ZNF804B: variants seen among roughly 807,000 people sequenced by gnomAD.
ZNF804B encodes zinc finger protein 804B, also known as zinc finger 804B.
A neutral mutation model predicts 101.4 loss-of-function variants in ZNF804B; 80 were observed. The observed-to-expected ratio is 0.79, with a 90% confidence interval of 0.66 to 0.95. ZNF804B has a LOEUF of 0.95. ZNF804B is among the 40% of genes least tolerant of loss of function. The probability of loss-of-function intolerance (pLI) is 0.00; values close to 1 mark genes in which losing one functional copy is unlikely to be tolerated. For missense variants in ZNF804B, 1,673 were observed against 1,561.9 expected, an observed-to-expected ratio of 1.07 and a Z score of -1.20; for synonymous variants, 622 against 558.8, an observed-to-expected ratio of 1.11 and a Z score of -1.59.
At chr7:88,992,143 A>G (rs10486891) in intron 1 of ZNF804B, among the ~76,000 whole-genome samples, 4,516 of 152,270 alleles carry the variant, frequency 0.03, 103 homozygotes, top group Non-Finnish European at 0.044. Context: ...GACGGCTTAA[A>G]TGGTGCTAAA....
intron 1 of ZNF804B, among the ~76,000 whole-genome samples, chr7:88,846,761 A>G (rs531069374): frequency 2.6e-5 from 4 of 152,136 alleles, no homozygotes; most frequent in Non-Finnish European, 4.4e-5. Context: ...ATATATGTCT[A>G]TATGTGAGAC....
intron 1 of ZNF804B, among the ~76,000 whole-genome samples, chr7:89,117,916 T>C (rs2116361821): frequency 6.6e-6 from 1 of 152,298 alleles, no homozygotes. Flanking sequence ...AGTCTTTTTT[T>C]CAACTACTGT....
In ZNF804B at chr7:89,254,860, G is replaced by C. The variant is rs892331184; in HGVS notation, c.249+36565G>C. Among the ~76,000 whole-genome samples the C allele has an allele frequency of 2.6e-4, 39 of 151,962 alleles. 1 individual carries two copies. The highest frequency in any genetic ancestry group is 4.0e-4 in the Non-Finnish European group (27 of 68,004). ...GGGGTTTCACCATGTTGGCCAAGCTGGTTGGGAACTCCTGACCCCAGGCAA... is the reference window on the plus strand; with the variant it reads ...GGGGTTTCACCATGTTGGCCAAGCTCGTTGGGAACTCCTGACCCCAGGCAA... On this transcript the variant is annotated intron_variant, in intron 2 of 3. Coordinates refer to ENST00000333190, the MANE Select transcript of ZNF804B (RefSeq NM_181646.5).
At chr7:89,167,013 A>G in intron 1 of ZNF804B, among the ~76,000 whole-genome samples, 1 of 152,054 alleles carries the variant, frequency 6.6e-6, no homozygotes, top group Admixed American at 6.6e-5. Flanking sequence ...TTTATAATAG[A>G]TTTGTGTATA....
At chr7:89,114,853 C>T (rs1790283676) in intron 1 of ZNF804B, among the ~76,000 whole-genome samples, 1 of 152,132 alleles carries the variant, frequency 6.6e-6, no homozygotes, top group Non-Finnish European at 1.5e-5. Flanking sequence ...AGGGTCTGAG[C>T]ACTGATGGTA....
At chr7:88,764,164 G>A (rs1789944830) in intron 1 of ZNF804B, among the ~76,000 whole-genome samples, 1 of 152,044 alleles carries the variant, frequency 6.6e-6, no homozygotes, top group Non-Finnish European at 1.5e-5. Context: ...TTCGAATGTA[G>A]TGCCGTTAAT....
intron 1 of ZNF804B, among the ~76,000 whole-genome samples, chr7:89,014,905 T>TATTCA (rs1788521752): frequency 6.6e-6 from 1 of 152,218 alleles, no homozygotes; most frequent in South Asian, 2.1e-4. Flanking sequence ...TCTGAGACCT[T>TATTCA]ATTCATAAAA....
intron 1 of ZNF804B, among the ~76,000 whole-genome samples, chr7:89,171,343 C>CTTT (rs56295959): frequency 1.5e-5 from 2 of 132,376 alleles, no homozygotes; most frequent in African/African-American, 5.7e-5. Context: ...TCTTCTTCTT[C>CTTT]TTCTTCTTCT....
intron 1 of ZNF804B, among the ~76,000 whole-genome samples, chr7:89,208,046 A>C (rs1231279552): frequency 6.9e-6 from 1 of 145,796 alleles, no homozygotes; most frequent in Non-Finnish European, 1.5e-5. Flanking sequence ...GCAAAAGTTC[A>C]TTGGTTTATG....
At chr7:89,203,747 G>A (rs1435854962) in intron 1 of ZNF804B, among the ~76,000 whole-genome samples, 2 of 152,080 alleles carry the variant, frequency 1.3e-5, no homozygotes, top group Non-Finnish European at 2.9e-5. Context: ...AGACATAATA[G>A]CAGACGTTCA....
chr7:88,797,655 A>T (rs1404025394), intron 1 of ZNF804B, among the ~76,000 whole-genome samples: 1 of 152,066 alleles, frequency 6.6e-6, no homozygotes, highest in African/African-American at 2.4e-5. Context: ...TCAGTGCACA[A>T]ACTCAAACTA....
chr7:89,016,620 T>G (rs961145370), intron 1 of ZNF804B, among the ~76,000 whole-genome samples: 1 of 150,938 alleles, frequency 6.6e-6, no homozygotes, highest in Non-Finnish European at 1.5e-5. Flanking sequence ...CTTGTTTTTC[T>G]CAGGTTTGTC....
At chr7:89,190,395 AT>A (rs1398641912) in intron 1 of ZNF804B, among the ~76,000 whole-genome samples, 1 of 151,732 alleles carries the variant, frequency 6.6e-6, no homozygotes, top group Non-Finnish European at 1.5e-5. Context: ...ATATGACTGA[AT>A]TATTGTGATT....
chr7:88,985,465 GC>G (rs1251334065), intron 1 of ZNF804B, among the ~76,000 whole-genome samples: 1 of 152,014 alleles, frequency 6.6e-6, no homozygotes, highest in Non-Finnish European at 1.5e-5. Context: ...TGTTTGAGAT[GC>G]AAGGTCAGAG....
intron 1 of ZNF804B, among the ~76,000 whole-genome samples, chr7:89,178,060 A>C (rs1423298479): frequency 6.6e-6 from 1 of 152,006 alleles, no homozygotes; most frequent in Non-Finnish European, 1.5e-5. Context: ...TGTTGTCTTG[A>C]AATTTATTTT....
intron 2 of ZNF804B, among the ~76,000 whole-genome samples, chr7:89,271,331 G>A (rs535237975): frequency 6.6e-6 from 1 of 152,162 alleles, no homozygotes; most frequent in Non-Finnish European, 1.5e-5. Flanking sequence ...TAATCATGTG[G>A]TTTTTGTCTT....
In ZNF804B at chr7:88,877,049, ATTTTTTTT is replaced by A. The variant is rs869097226; in HGVS notation, c.108+116986_108+116993del. Among the ~76,000 whole-genome samples the A allele has an allele frequency of 9.3e-4, 13 of 13,904 alleles. 1 individual carries two copies. The highest frequency in any genetic ancestry group is 5.0e-3 in the South Asian group (1 of 202). 9.1% of individuals were successfully genotyped at this position (13,904 alleles called of 152,430 possible). A position where few individuals can be genotyped will look rare whatever the true frequency, so the allele number is the denominator to read the frequency against. Reference sequence around the variant, plus strand: ...ATAATATATATATATATATATATATATTTTTTTTTTTTTTTTTTTTTTTTTTTTGAGGC... The same window carrying A: ...ATAATATATATATATATATATATATATTTTTTTTTTTTTTTTTTTTGAGGC... On this transcript the variant is annotated intron_variant, in intron 1 of 3. Coordinates refer to ENST00000333190, the MANE Select transcript of ZNF804B (RefSeq NM_181646.5).
intron 1 of ZNF804B, among the ~76,000 whole-genome samples, chr7:89,050,850 CT>C (rs1278607022): frequency 6.6e-6 from 1 of 152,026 alleles, no homozygotes; most frequent in Admixed American, 6.6e-5. Flanking sequence ...GTCATAACAA[CT>C]TTTTATATAC....
intron 1 of ZNF804B, among the ~76,000 whole-genome samples, chr7:88,895,610 T>A (rs1562825435): frequency 6.6e-6 from 1 of 152,098 alleles, no homozygotes; most frequent in African/African-American, 2.4e-5. Context: ...CAGCACTCCT[T>A]AGTGAAATGC....
Sources: allele counts gnomAD v4.1 joint callset (sites outside exome capture counted in the v4.1 genomes callset), GRCh38; gene constraint gnomAD v4.1.1; transcripts MANE v1.5; gene names NCBI Gene and HGNC (gene_info 2026-07-23, HGNC 2026-07-21).